BCL2L14: variants seen among roughly 807,000 people sequenced by gnomAD.
BCL2L14 encodes apoptosis facilitator Bcl-2-like protein 14.
Under a neutral mutation model 35.3 loss-of-function variants are expected in BCL2L14, and 27 were observed. The ratio of observed to expected loss-of-function variants is 0.76; its 90% confidence interval spans 0.56 to 1.05. BCL2L14 has a LOEUF of 1.05. Ranked by LOEUF, BCL2L14 falls within the 50% of genes least tolerant of loss-of-function variation. The pLI is 0.00. For synonymous variants in BCL2L14, 139 were observed against 145.9 expected (o/e 0.95, Z 0.34); for missense variants, 377 against 382.6 (o/e 0.99, Z 0.12).
chr12:12,087,573 C>G (rs1389194684), intron 3 of BCL2L14, among the ~76,000 whole-genome samples, 187 bp downstream of exon 3: 1 of 152,218 alleles, frequency 6.6e-6, no homozygotes, highest in African/African-American at 2.4e-5. Flanking sequence ...GCTGCCCCAG[C>G]AGGTTGAAAA....
intron 5 of BCL2L14, among the ~76,000 whole-genome samples, chr12:12,097,077 G>C (rs577056074): frequency 9.2e-5 from 14 of 152,224 alleles, no homozygotes; most frequent in Admixed American, 8.5e-4. Context: ...CCTGGGAGGC[G>C]GAGCTTGCAG....
In BCL2L14 at chr12:12,079,480, G is replaced by A. The variant is rs752451258; in HGVS notation, c.175G>A (p.Gly59Arg). 18 of 1,614,108 alleles carry A rather than the reference G, an allele frequency of 1.1e-5. No individual in the cohort carries two copies. Among genetic ancestry groups the A allele is most frequent in the Admixed American group, 1.7e-5 (1 of 60,010 alleles). The change falls in exon 2 of 6, where the codon GGG becomes AGG. Residue 59 changes from glycine to arginine, a missense_variant. Coordinates refer to ENST00000308721, the MANE Select transcript of BCL2L14 (RefSeq NM_138723.2). ...AAGAAGTTTGTCCCAGAGGGGCCTG[G>A]GGAATTGTTCAGCAAATGAGTCATG... ...RTRSLSQRGLGNCSANESWTE... is the reference protein window; with the variant it reads ...RTRSLSQRGLRNCSANESWTE...
At chr12:12,052,457 G>C (rs150177038) in intron 2 of BCL2L14, among the ~76,000 whole-genome samples, 1 of 152,150 alleles carries the variant, frequency 6.6e-6, no homozygotes, top group Non-Finnish European at 1.5e-5. Flanking sequence ...CTACCTATGA[G>C]TGAGATCGTG....
chr12:12,092,777 G>A (rs543207929), intron 4 of BCL2L14, among the ~76,000 whole-genome samples: 31 of 152,164 alleles, frequency 2.0e-4, no homozygotes, highest in Non-Finnish European at 4.1e-4. Context: ...CAACCCAGAC[G>A]GGGCCTGGAC....
intron 2 of BCL2L14, among the ~76,000 whole-genome samples, chr12:12,053,986 T>C (rs1948395143): frequency 6.6e-6 from 1 of 152,182 alleles, no homozygotes; most frequent in South Asian, 2.1e-4. Context: ...TGAAACATGA[T>C]ATGTTACCTA....
At chr12:12,050,843 C>T (rs1490420759) in intron 1 of BCL2L14, among the ~76,000 whole-genome samples, 1 of 146,516 alleles carries the variant, frequency 6.8e-6, no homozygotes, top group Non-Finnish European at 1.5e-5. Context: ...AAAGAATGGC[C>T]GTGCATAAAT....
At chr12:12,084,313 T>C (rs567354029) in intron 2 of BCL2L14, among the ~76,000 whole-genome samples, 1 of 152,292 alleles carries the variant, frequency 6.6e-6, no homozygotes, top group African/African-American at 2.4e-5. Flanking sequence ...TGACATCTCA[T>C]TGGCCCTTCC....
At chr12:12,097,008 G>A (rs1949326469) in intron 5 of BCL2L14, among the ~76,000 whole-genome samples, 1 of 152,208 alleles carries the variant, frequency 6.6e-6, no homozygotes, top group African/African-American at 2.4e-5. Flanking sequence ...GCCGGGCATG[G>A]TGGCAGGTGC....
intron 5 of BCL2L14, chr12:12,095,683 A>T: frequency 1.0e-6 from 1 of 985,326 alleles, no homozygotes; most frequent in Non-Finnish European, 1.2e-6. Flanking sequence ...TTTCCACTAG[A>T]ATGGTCCAGG....
intron 1 of BCL2L14, among the ~76,000 whole-genome samples, chr12:12,050,814 G>GAAAAAAGAAAA (rs764719291): frequency 2.0e-4 from 22 of 111,512 alleles, no homozygotes; most frequent in Admixed American, 1.9e-4. Context: ...AAAAAAAAAA[G>GAAAAAAGAAAA]AAAAGAAAAG....
At chr12:12,063,158 T>G (rs1015738043) in intron 2 of BCL2L14, among the ~76,000 whole-genome samples, 8 of 149,418 alleles carry the variant, frequency 5.4e-5, no homozygotes, top group African/African-American at 1.7e-4. Context: ...CTATTCACCA[T>G]TCTCAACTAA....
At chr12:12,094,427 T>C in intron 4 of BCL2L14, 1 of 1,227,696 alleles carries the variant, frequency 8.1e-7, no homozygotes, top group Admixed American at 1.7e-5. Context: ...AAATGTCAAA[T>C]GAACTGACTG....
intron 5 of BCL2L14, chr12:12,095,874 T>A: frequency 1.0e-6 from 1 of 985,406 alleles, no homozygotes; most frequent in African/African-American, 1.7e-5. Flanking sequence ...TGAGTTCCTT[T>A]CTATTTTCCA....
chr12:12,090,206 TCA>T (rs1427486622), intron 3 of BCL2L14, among the ~76,000 whole-genome samples: 1 of 152,154 alleles, frequency 6.6e-6, no homozygotes, highest in Non-Finnish European at 1.5e-5. Flanking sequence ...GCGATGAATT[TCA>T]CAGTGAGAGC....
rs1384117771 is a variant in BCL2L14, at chr12:12,079,523, C to T, written c.218C>T (p.Pro73Leu). Residue 73 changes from proline (P) to leucine (L), a missense_variant, in exon 2 of 6, where the codon CCT (proline) becomes CTT (leucine). By Grantham distance (98) the Pro-to-Leu change is moderately conservative. Transcript: ENST00000308721. ...GAGTCATGGACAGAGGTGTCATGGC[C>T]TTGCAGAAATTCCCAATCCAGTGAG... ...ANESWTEVSW[P>L]CRNSQSSEKA... 2 of 1,614,204 alleles carry T rather than the reference C, an allele frequency of 1.2e-6. No homozygotes were observed. Among genetic ancestry groups the T allele is most frequent in the East Asian group, 2.2e-5 (1 of 44,890 alleles).
intron 1 of BCL2L14, among the ~76,000 whole-genome samples, chr12:12,075,119 TTTTA>T (rs570280452): frequency 1.4e-4 from 21 of 152,156 alleles, no homozygotes; most frequent in South Asian, 2.1e-4. Context: ...TTTTTTTTCT[TTTTA>T]TTTATTTATT....
Position 12,094,077 on chromosome 12 carries a change from A to C in BCL2L14, c.679-587A>C, listed in dbSNP as rs1313029758. Among the ~76,000 whole-genome samples the C allele has an allele frequency of 4.0e-5, 6 of 150,400 alleles. No homozygotes were observed. In the East Asian group the frequency reaches 1.2e-3, roughly 30 times the overall value. On this transcript the variant is annotated intron_variant, in intron 4 of 5. Coordinates refer to ENST00000308721, the MANE Select transcript of BCL2L14 (RefSeq NM_138723.2). Reference sequence around the variant, plus strand: ...AGCTGAGACCACACCACTGCACTCCAGCCTGGGCAATGGGAGTGAAACCCT... The same window carrying C: ...AGCTGAGACCACACCACTGCACTCCCGCCTGGGCAATGGGAGTGAAACCCT...
chr12:12,094,271 T>C (rs773388802), intron 4 of BCL2L14, among the ~76,000 whole-genome samples: 2 of 152,164 alleles, frequency 1.3e-5, no homozygotes, highest in Non-Finnish European at 2.9e-5. Flanking sequence ...ATTCCTAAGC[T>C]TCAGATCCTG....
intron 2 of BCL2L14, among the ~76,000 whole-genome samples, chr12:12,086,855 A>G (rs1198758171): frequency 1.3e-5 from 2 of 152,250 alleles, no homozygotes; most frequent in Non-Finnish European, 2.9e-5. Flanking sequence ...TCGAGAAAAA[A>G]GAATAAAAAT....
Sources: gnomAD v4.1 joint callset for allele counts (sites outside exome capture counted in the v4.1 genomes callset) on GRCh38, gnomAD v4.1.1 for gene constraint, MANE v1.5 for transcripts, NCBI Gene and HGNC (gene_info 2026-07-23, HGNC 2026-07-21) for gene names.